Variants in SSR3 observed in about 807,000 individuals in gnomAD.
SSR3 encodes the protein translocon-associated protein subunit gamma.
SSR3 carries 10 observed loss-of-function variants against 22.1 expected under a neutral mutation model. The ratio of observed to expected loss-of-function variants is 0.45; its 90% CI spans 0.28 to 0.77. SSR3 has a LOEUF of 0.77. Ranked by LOEUF, SSR3 falls within the 30% of genes least tolerant of loss-of-function variation. SSR3 has a pLI of 0.13. For synonymous variants in SSR3, 104 were observed against 82.5 expected, an observed-to-expected ratio of 1.26 and a Z score of -1.42; for missense variants, 181 against 220.5, an observed-to-expected ratio of 0.82 and a Z score of 1.13.
In SSR3 at chr3:156,544,023, T is replaced by A. The variant is rs567774811; in HGVS notation, c.491+285A>T. 8.2e-6 allele frequency: 3 copies of A among 367,986 alleles called. No individual in the cohort carries two copies. The South Asian group carries it at 4.2e-4, about 52-fold the overall frequency. 22.8% of individuals were successfully genotyped at this position (367,986 alleles called of 1,614,324 possible). A position where few individuals can be genotyped will look rare whatever the true frequency, so the allele number is the denominator to read the frequency against. ...TTCAGAAGCTATCAAAAATGACAGG[T>A]TTGCTTTGGCTCTTTGGAGCTTTTT... On this transcript the variant is annotated intron_variant, in intron 4 of 4. Coordinates refer to ENST00000265044, the MANE Select transcript of SSR3 (RefSeq NM_007107.5).
rs1459682594 is a variant in SSR3, at chr3:156,540,172, AT to A, written c.*3030del. ...TAAGAAGCAAAGTTTAATCATACTT[AT>A]TAAGCAAGACTTTTCACAAGAATTG... On this transcript the variant is annotated 3_prime_UTR_variant, in exon 5 of 5. Transcript: ENST00000265044. 1 of 152,196 alleles carries A rather than the reference AT, an allele frequency of 6.6e-6. No homozygotes were observed. Among genetic ancestry groups the A allele is most frequent in the Non-Finnish European group, 1.5e-5 (1 of 68,030 alleles). 9.4% of individuals were successfully genotyped at this position (152,196 alleles called of 1,614,324 possible).
rs1398705350 is a variant in SSR3, at chr3:156,544,387, T to C, written c.412A>G (p.Ile138Val). The change falls in exon 4 of 5, where the codon ATC becomes GTC. Residue 138 changes from isoleucine to valine, a missense_variant. Ile to Val is a conservative substitution (Grantham distance 29, BLOSUM62 3). Coordinates refer to ENST00000265044, the MANE Select transcript of SSR3 (RefSeq NM_007107.5). ...VADYEATTFSIFYNNTLFLVV... is the reference protein window; with the variant it reads ...VADYEATTFSVFYNNTLFLVV... ...AGGAACAGAGTGTTGTTATAGAAGA[T>C]GGAAAATGTTGTAGCTTCATAATCA... The C allele has an allele frequency of 4.4e-6, 7 of 1,596,932 alleles. No individual in the cohort carries two copies. The highest frequency in any genetic ancestry group is 2.6e-6 in the Non-Finnish European group (3 of 1,171,886).
intron 2 of SSR3, among the ~76,000 whole-genome samples, chr3:156,552,444 T>C (rs776404053): frequency 1.3e-5 from 2 of 152,114 alleles, no homozygotes; most frequent in Admixed American, 6.6e-5. Context: ...AAGGATTACA[T>C]AGGGCAATGT....
Position 156,541,079 on chromosome 3 carries a change from T to C in SSR3, c.*2124A>G, listed in dbSNP as rs1236723098. 6.6e-6 allele frequency: 1 copy of C among 152,242 alleles called. No homozygotes were observed. Among genetic ancestry groups the C allele is most frequent in the African/African-American group, 2.4e-5 (1 of 41,472 alleles). The allele number at this position is 152,242 out of a possible 1,614,324, so 9.4% of individuals were successfully genotyped here. A position where few individuals can be genotyped will look rare whatever the true frequency, so the allele number is the denominator to read the frequency against. On this transcript the variant is annotated 3_prime_UTR_variant, in exon 5 of 5. Coordinates refer to ENST00000265044, the MANE Select transcript of SSR3 (RefSeq NM_007107.5). ...AAAATTCACAACAGTAAACAAATTT[T>C]GCTCACTCATTTTCCTACAAATCTT...
chr3:156,544,353 AC>A lies in SSR3; in HGVS notation c.445del (p.Val149SerfsTer9). ...FYNNTLFLVV[V>X]IVASFFILKN... is the part of the protein sequence containing the mutation. ...CAATATGAAGAAGGAAGCAACAATG[AC>A]CACGACCAGGAACAGAGTGTTGTTA... On this transcript the variant is annotated frameshift_variant, in exon 4 of 5. Transcript: ENST00000265044. LOFTEE classifies it high-confidence loss of function. 1 of 1,597,424 alleles carries A rather than the reference AC, an allele frequency of 6.3e-7. No individual in the cohort carries two copies. The highest frequency in any genetic ancestry group is 8.5e-7 in the Non-Finnish European group (1 of 1,171,594).
At chr3:156,548,776 A>T in intron 3 of SSR3, 129 bp downstream of exon 3, 1 of 1,070,554 alleles carries the variant, frequency 9.3e-7, no homozygotes, top group Non-Finnish European at 1.3e-6. Flanking sequence ...TATTTCCATT[A>T]CTACTACTAC....
In SSR3 at chr3:156,553,673, T is replaced by C; in HGVS notation, c.242A>G (p.Lys81Arg). The change falls in exon 2 of 5, where the codon AAA becomes AGA. Residue 81 changes from lysine (K) to arginine (R), a missense_variant. Coordinates refer to ENST00000265044, the MANE Select transcript of SSR3 (RefSeq NM_007107.5). ...TACTTACTTGTGCTTGAGAACAAATTTCACATTCTTGTATGCAAAGGCTAC... is the reference window on the plus strand; with the variant it reads ...TACTTACTTGTGCTTGAGAACAAATCTCACATTCTTGTATGCAAAGGCTAC... ...YLVAFAYKNV[K>R]FVLKHKVAQK... is the part of the protein sequence containing the mutation. 1 of 1,611,580 alleles carries C rather than the reference T, an allele frequency of 6.2e-7. No individual in the cohort carries two copies. The highest frequency in any genetic ancestry group is 8.5e-7 in the Non-Finnish European group (1 of 1,179,752).
At chr3:156,543,714 A>T (rs78970886) in intron 4 of SSR3, among the ~76,000 whole-genome samples, 2,036 of 152,208 alleles carry the variant, frequency 0.013, 46 homozygotes, top group African/African-American at 0.047. Flanking sequence ...TAGCCTCAGA[A>T]CTCTACAATT....
chr3:156,551,218 G>A (rs1288611320), intron 2 of SSR3, among the ~76,000 whole-genome samples: 2 of 152,134 alleles, frequency 1.3e-5, no homozygotes, highest in Non-Finnish European at 2.9e-5. Context: ...ACCATTAACT[G>A]TTTTAAGGAG....
intron 2 of SSR3, among the ~76,000 whole-genome samples, chr3:156,549,503 T>C (rs17354147): frequency 0.09 from 13,720 of 152,170 alleles, 751 homozygotes; most frequent in Non-Finnish European, 0.12. Context: ...CAAAGGACAA[T>C]TTAAGCTGGG....
intron 2 of SSR3, among the ~76,000 whole-genome samples, chr3:156,549,413 A>T (rs944561434): frequency 6.6e-6 from 1 of 152,258 alleles, no homozygotes; most frequent in African/African-American, 2.4e-5. Context: ...TTCCAAGTAC[A>T]TAACAGGAGC....
At chr3:156,550,921 T>C (rs1719929949) in intron 2 of SSR3, among the ~76,000 whole-genome samples, 1 of 152,192 alleles carries the variant, frequency 6.6e-6, no homozygotes, top group Non-Finnish European at 1.5e-5. Flanking sequence ...CTGAGGAATC[T>C]GAAGTCTACA....
intron 3 of SSR3, 155 bp downstream of exon 3, chr3:156,548,749 TA>T (rs1719846155): frequency 1.1e-6 from 1 of 886,158 alleles, no homozygotes; most frequent in Non-Finnish European, 1.7e-6. Context: ...ATAAAAACTC[TA>T]AAAGTCAGCT....
chr3:156,551,107 T>C (rs1242771879), intron 2 of SSR3, among the ~76,000 whole-genome samples: 2 of 152,226 alleles, frequency 1.3e-5, no homozygotes, highest in South Asian at 2.1e-4. Flanking sequence ...TCAAAGTCAG[T>C]AGCATATTTA....
At chr3:156,553,519 C>G in intron 2 of SSR3, 136 bp downstream of exon 2, 1 of 867,876 alleles carries the variant, frequency 1.2e-6, no homozygotes. Context: ...CATCAATGTT[C>G]CTTTCCCCCA....
At position 156,540,253 on chromosome 3, in the gene SSR3, C is replaced by T. The variant is rs1719391648; in HGVS notation, c.*2950G>A. Reference sequence around the variant, plus strand: ...AACTTCAAACCTTGTTTCAAATTATCCTTTCCAAGTTTCAATAATATGGCA... The same window carrying T: ...AACTTCAAACCTTGTTTCAAATTATTCTTTCCAAGTTTCAATAATATGGCA... On this transcript the variant is annotated 3_prime_UTR_variant, in exon 5 of 5. Transcript: ENST00000265044. 1 of 152,126 alleles carries T rather than the reference C, an allele frequency of 6.6e-6. No individual in the cohort carries two copies. The highest frequency in any genetic ancestry group is 2.4e-5 in the African/African-American group (1 of 41,446). 9.4% of individuals were successfully genotyped at this position (152,126 alleles called of 1,614,324 possible).
Position 156,542,492 on chromosome 3 carries a change from C to T in SSR3, c.*711G>A, listed in dbSNP as rs1030280360. Reference sequence around the variant, plus strand: ...GTCTTAGTAAGTCAAACCAACATGGCAGGGTCAAGTTGACCTCCCTGGCCA... The same window carrying T: ...GTCTTAGTAAGTCAAACCAACATGGTAGGGTCAAGTTGACCTCCCTGGCCA... On this transcript the variant is annotated 3_prime_UTR_variant, in exon 5 of 5. Coordinates refer to ENST00000265044, the MANE Select transcript of SSR3 (RefSeq NM_007107.5). 1 of 152,228 alleles carries T rather than the reference C, an allele frequency of 6.6e-6. No homozygotes were observed. The allele number at this position is 152,228 out of a possible 1,614,324, so 9.4% of individuals were successfully genotyped here. A position where few individuals can be genotyped will look rare whatever the true frequency, so the allele number is the denominator to read the frequency against.
chr3:156,545,309 T>G (rs1336910698), intron 3 of SSR3, among the ~76,000 whole-genome samples: 1 of 152,192 alleles, frequency 6.6e-6, no homozygotes, highest in Non-Finnish European at 1.5e-5. Context: ...CAGCAGCACA[T>G]CGCACAGAGT....
rs1451874248 is a variant in SSR3, at chr3:156,541,624, G to C, written c.*1579C>G. 2.6e-5 allele frequency: 4 copies of C among 152,104 alleles called. No individual in the cohort carries two copies. The highest frequency in any genetic ancestry group is 5.9e-5 in the Non-Finnish European group (4 of 68,034). 9.4% of individuals were successfully genotyped at this position (152,104 alleles called of 1,614,324 possible). ...AGACGGGGTTTCACCATGTTGGCCA[G>C]GAGTTCAAGAAAAGTTTTTTAAAAA... On this transcript the variant is annotated 3_prime_UTR_variant, in exon 5 of 5. Transcript: ENST00000265044.
Sources: gnomAD v4.1 joint callset for allele counts (sites outside exome capture counted in the v4.1 genomes callset) on GRCh38, gnomAD v4.1.1 for gene constraint, MANE v1.5 for transcripts, NCBI Gene and HGNC (gene_info 2026-07-23, HGNC 2026-07-21) for gene names.